Variants in PCDHGB2 observed in about 807,000 individuals in gnomAD.
PCDHGB2 encodes the protein protocadherin gamma-B2.
A neutral mutation model predicts 59.3 loss-of-function variants in PCDHGB2; 55 were observed. The observed-to-expected ratio is 0.93, with a 90% CI of 0.75 to 1.16. The LOEUF is 1.16. PCDHGB2 is among the 50% of genes most tolerant of loss of function. The pLI, the probability that PCDHGB2 is intolerant of heterozygous loss-of-function variation, is 0.00. For missense variants in PCDHGB2, 1,228 were observed against 1,198.5 expected (o/e 1.02, Z -0.36); for synonymous variants, 516 against 512.0 (o/e 1.01, Z -0.11).
Position 141,427,553 on chromosome 5 carries a change from TG to T in PCDHGB2, c.2421+64998del, listed in dbSNP as rs201716174. ...AGTACAACGTCACCATCACTGCCAC[TG>T]ACAAGGGCAAGCCTCCGCTCTCATC... On this transcript the variant is annotated intron_variant, in intron 1 of 3. Transcript: ENST00000522605. 2.7e-3 allele frequency: 1,760 copies of T among 646,124 alleles called. 23 individuals are homozygous for T. In the African/African-American group the frequency reaches 0.028, roughly 10 times the overall value. 40.0% of individuals were successfully genotyped at this position (646,124 alleles called of 1,614,324 possible).
In PCDHGB2 at chr5:141,405,177, G is replaced by C. The variant is rs370032217; in HGVS notation, c.2421+42621G>C. On this transcript the variant is annotated intron_variant, in intron 1 of 3. Coordinates refer to ENST00000522605, the MANE Select transcript of PCDHGB2 (RefSeq NM_018923.3). Reference sequence around the variant, plus strand: ...GGTGTGCCCACCTCACACTTTGTGGGTGTAGATGGGGTTCGAGCTTTCCTA... The same window carrying C: ...GGTGTGCCCACCTCACACTTTGTGGCTGTAGATGGGGTTCGAGCTTTCCTA... 1.6e-5 allele frequency: 26 copies of C among 1,614,140 alleles called. No homozygotes were observed. The highest frequency in any genetic ancestry group is 2.0e-5 in the Non-Finnish European group (24 of 1,180,024).
chr5:141,413,265 T>C, intron 1 of PCDHGB2: 1 of 1,613,958 alleles, frequency 6.2e-7, no homozygotes, highest in Non-Finnish European at 8.5e-7. Context: ...CATGGGAGGC[T>C]GGAGCCCGGC....
In PCDHGB2 at chr5:141,487,241, A is replaced by G. The variant is rs753291480; in HGVS notation, c.2422-7566A>G. ...TCCAAGGGAAGGAGAATCTCGTCTA[A>G]CCCTCTACTTGGCTGTGTCCCTAGT... On this transcript the variant is annotated intron_variant, in intron 1 of 3. Transcript: ENST00000522605. The surrounding 1 kb of genome is among the most constrained non-coding windows in gnomAD (Gnocchi z 5.0). 2 of 1,613,876 alleles carry G rather than the reference A, an allele frequency of 1.2e-6. No homozygotes were observed. The highest frequency in any genetic ancestry group is 3.3e-5 in the Admixed American group (2 of 59,988).
chr5:141,361,695 C>G lies in PCDHGB2; in HGVS notation c.1560C>G (p.Phe520Leu), dbSNP rs754328997. 8.1e-6 allele frequency: 13 copies of G among 1,613,468 alleles called. No individual in the cohort carries two copies. The highest frequency in any genetic ancestry group is 1.0e-5 in the Non-Finnish European group (12 of 1,179,864). ...QSGVVFAQRA[F>L]DHEQLRAFEL... ...GGGTGGTGTTCGCGCAGCGCGCCTT[C>G]GATCATGAGCAGCTGCGCGCCTTCG... is the stretch of plus-strand genomic sequence containing the variant. Residue 520 changes from phenylalanine (F) to leucine (L), a missense_variant, in exon 1 of 4, where the codon TTC becomes TTG. This residue lies in a region of PCDHGB2 where 781 missense variants were observed against 721.6 expected (regional missense o/e 1.08). Transcript: ENST00000522605.
At chr5:141,481,762 GC>G (rs1307001837) in intron 1 of PCDHGB2, among the ~76,000 whole-genome samples, 1 of 152,126 alleles carries the variant, frequency 6.6e-6, no homozygotes, top group Admixed American at 6.5e-5. Context: ...GACCAGCCTG[GC>G]CAACATGGTG....
intron 1 of PCDHGB2, chr5:141,376,030 C>G (rs766254447): frequency 1.2e-6 from 2 of 1,613,082 alleles, no homozygotes; most frequent in Non-Finnish European, 1.7e-6. Flanking sequence ...TCCAGGACCA[C>G]GGCCAGCCCC....
chr5:141,366,164 A>G (rs1316186931), intron 1 of PCDHGB2: 1 of 1,614,076 alleles, frequency 6.2e-7, no homozygotes, highest in Middle Eastern at 1.6e-4. Context: ...GCTTAAGGCC[A>G]GCGAGCCAGG....
intron 1 of PCDHGB2, among the ~76,000 whole-genome samples, chr5:141,363,780 TTTATC>T (rs1312673408): frequency 6.6e-6 from 1 of 152,228 alleles, no homozygotes; most frequent in Non-Finnish European, 1.5e-5. Flanking sequence ...TTTTCCTAAA[TTTATC>T]CTAATAAGGA....
intron 1 of PCDHGB2, chr5:141,377,949 A>G (rs1774488021): frequency 6.6e-6 from 1 of 152,208 alleles, no homozygotes; most frequent in Non-Finnish European, 1.5e-5. Context: ...TAGAGTGTGT[A>G]TCCAGGGCAA....
chr5:141,466,769 T>C (rs760924688), intron 1 of PCDHGB2, among the ~76,000 whole-genome samples: 1 of 152,198 alleles, frequency 6.6e-6, no homozygotes, highest in African/African-American at 2.4e-5. Flanking sequence ...CAAACTGTTA[T>C]CTTATTCTTC....
chr5:141,365,250 T>C, intron 1 of PCDHGB2: 1 of 1,613,976 alleles, frequency 6.2e-7, no homozygotes, highest in Non-Finnish European at 8.5e-7. Flanking sequence ...CTACAATCAC[T>C]GGACTATGAA....
chr5:141,376,372 G>C (rs531227586), intron 1 of PCDHGB2: 2 of 1,614,182 alleles, frequency 1.2e-6, no homozygotes, highest in Admixed American at 1.7e-5. Context: ...CTGCAGACTC[G>C]CGTAAGAGTC....
intron 1 of PCDHGB2, chr5:141,376,173 T>C (rs531193543): frequency 1.3e-5 from 21 of 1,614,092 alleles, no homozygotes; most frequent in East Asian, 2.2e-5. Flanking sequence ...GTGGTGGCGG[T>C]GGCCGCGGTC....
In PCDHGB2 at chr5:141,408,857, G is replaced by T. The variant is rs372861749; in HGVS notation, c.2421+46301G>T. 1.9e-5 allele frequency: 30 copies of T among 1,613,424 alleles called. No homozygotes were observed. Among genetic ancestry groups the T allele is most frequent in the Non-Finnish European group, 2.5e-5 (29 of 1,179,810 alleles). ...GATATTGACTGCCTTGGACGGAGGG[G>T]ACCCACCAAGAAGTGCCACCGCTCA... On this transcript the variant is annotated intron_variant, in intron 1 of 3. Coordinates refer to ENST00000522605, the MANE Select transcript of PCDHGB2 (RefSeq NM_018923.3).
rs755316172 is a variant in PCDHGB2, at chr5:141,360,795, A to T, written c.660A>T (p.Pro220=). 6.2e-6 allele frequency: 10 copies of T among 1,613,818 alleles called. No individual in the cohort carries two copies. Among genetic ancestry groups the T allele is most frequent in the South Asian group, 4.4e-5 (4 of 91,088 alleles). The change falls in exon 1 of 4, where the codon CCA becomes CCT. Residue 220 remains proline (P), a synonymous_variant. Transcript: ENST00000522605. ...TCACAGCTGTGGATGGCGGAGACCC[A>T]CCTCAAAGTGGCACGACCCAAATCC... ...LVLTAVDGGD[P]PQSGTTQIRI... is the part of the protein sequence containing the mutation.
At chr5:141,421,678 G>T in intron 1 of PCDHGB2, 3 of 1,613,892 alleles carry the variant, frequency 1.9e-6, no homozygotes, top group Non-Finnish European at 2.5e-6. Context: ...AATTCCTGGG[G>T]CGCGATTTGC....
At chr5:141,465,812 T>A (rs533291720) in intron 1 of PCDHGB2, among the ~76,000 whole-genome samples, 1 of 152,082 alleles carries the variant, frequency 6.6e-6, no homozygotes, top group South Asian at 2.1e-4. Flanking sequence ...TTCAGGATCT[T>A]GATCACATTT....
chr5:141,364,437 C>T (rs1489838873), intron 1 of PCDHGB2: 16 of 1,613,832 alleles, frequency 9.9e-6, no homozygotes, highest in Middle Eastern at 3.3e-4. Context: ...TACTCGATGC[C>T]GGAGGAGCTG....
chr5:141,372,444 C>A (rs756100994), intron 1 of PCDHGB2: 1 of 1,614,058 alleles, frequency 6.2e-7, no homozygotes, highest in Non-Finnish European at 8.5e-7. Flanking sequence ...TCCCTCTGAC[C>A]CTCAGGCGGA....
Sources: allele counts gnomAD v4.1 joint callset (sites outside exome capture counted in the v4.1 genomes callset), GRCh38; gene constraint gnomAD v4.1.1; regional missense constraint gnomAD v4.1.1; non-coding constraint Gnocchi (gnomAD v3.1); transcripts MANE v1.5; gene names NCBI Gene and HGNC (gene_info 2026-07-23, HGNC 2026-07-21).